STEAP3: variants seen among roughly 807,000 people sequenced by gnomAD.
STEAP3 encodes metalloreductase STEAP3.
Under a neutral mutation model 34.9 loss-of-function variants are expected in STEAP3, and 35 were observed. The observed-to-expected ratio is 1.00, with a 90% confidence interval of 0.76 to 1.33. The LOEUF (loss-of-function observed/expected upper bound fraction) is 1.33. Ranked by LOEUF, STEAP3 falls within the 40% of genes most tolerant of loss-of-function variation. The pLI is 0.00. For missense variants in STEAP3, 652 were observed against 667.6 expected, an observed-to-expected ratio of 0.98 and a Z score of 0.26; for synonymous variants, 281 against 301.6, an observed-to-expected ratio of 0.93 and a Z score of 0.71.
intron 5 of STEAP3, among the ~76,000 whole-genome samples, chr2:119,260,264 C>T (rs1240637828): frequency 6.6e-6 from 1 of 151,748 alleles, no homozygotes; most frequent in Non-Finnish European, 1.5e-5. Flanking sequence ...GGCTGGGCAC[C>T]TGGCTGGGGA....
At chr2:119,225,460 C>T (rs1352965129) in intron 1 of STEAP3, among the ~76,000 whole-genome samples, 1 of 152,242 alleles carries the variant, frequency 6.6e-6, no homozygotes, top group Non-Finnish European at 1.5e-5. Context: ...GGTTGAACAG[C>T]CTGCCCCAGG....
Position 119,244,292 on chromosome 2 carries a change from G to A in STEAP3, c.23-1197G>A, listed in dbSNP as rs1458002331. The A allele has an allele frequency of 4.8e-5, 7 of 146,608 alleles. No individual in the cohort carries two copies. The South Asian group carries it at 6.5e-4, about 14-fold the overall frequency. 9.1% of individuals were successfully genotyped at this position (146,608 alleles called of 1,614,324 possible). A position where few individuals can be genotyped will look rare whatever the true frequency, so the allele number is the denominator to read the frequency against. On this transcript the variant is annotated intron_variant, in intron 2 of 5. Coordinates refer to ENST00000393110, the MANE Select transcript of STEAP3 (RefSeq NM_182915.3). Reference sequence around the variant, plus strand: ...ATAGTCTTGCTCTGTCACCCAAACTGGAGTTCAGTGGTGCGATCACTTCAG... The same window carrying A: ...ATAGTCTTGCTCTGTCACCCAAACTAGAGTTCAGTGGTGCGATCACTTCAG...
chr2:119,232,207 C>T (rs1263971000), intron 2 of STEAP3, among the ~76,000 whole-genome samples: 2 of 152,206 alleles, frequency 1.3e-5, no homozygotes, highest in Admixed American at 1.3e-4. Context: ...GCCACAGACC[C>T]TCCCCACCCC....
intron 1 of STEAP3, among the ~76,000 whole-genome samples, chr2:119,226,257 C>T (rs781775417): frequency 6.6e-6 from 1 of 152,154 alleles, no homozygotes; most frequent in Non-Finnish European, 1.5e-5. Context: ...TTTGGGGAGT[C>T]GGGCTCTCTG....
chr2:119,238,518 A>G (rs1173503289), intron 2 of STEAP3, among the ~76,000 whole-genome samples: 2 of 152,174 alleles, frequency 1.3e-5, no homozygotes, highest in African/African-American at 4.8e-5. Flanking sequence ...AGTTCTTCAG[A>G]TATTTAGAAA....
At chr2:119,243,200 G>A (rs962230640) in intron 2 of STEAP3, among the ~76,000 whole-genome samples, 2 of 152,194 alleles carry the variant, frequency 1.3e-5, no homozygotes, top group Non-Finnish European at 2.9e-5. Flanking sequence ...TGTTAAAGAT[G>A]AGCAAGAGGC....
At chr2:119,253,698 A>G (rs1229494256) in intron 4 of STEAP3, among the ~76,000 whole-genome samples, 2 of 152,140 alleles carry the variant, frequency 1.3e-5, no homozygotes, top group Non-Finnish European at 2.9e-5. Flanking sequence ...GTTCTTCCTC[A>G]TGAGGGCACT....
chr2:119,237,796 G>A (rs967739469), intron 2 of STEAP3, among the ~76,000 whole-genome samples: 1 of 152,138 alleles, frequency 6.6e-6, no homozygotes, highest in Non-Finnish European at 1.5e-5. Context: ...CCATTCAAAT[G>A]GTGAGTTGCA....
At chr2:119,256,352 T>G (rs1242413893) in intron 5 of STEAP3, among the ~76,000 whole-genome samples, 1 of 152,076 alleles carries the variant, frequency 6.6e-6, no homozygotes, top group African/African-American at 2.4e-5. Flanking sequence ...GGGGAAGAAT[T>G]TTATTTATCT....
intron 1 of STEAP3, among the ~76,000 whole-genome samples, chr2:119,226,518 T>G (rs1406319946): frequency 6.6e-6 from 1 of 152,140 alleles, no homozygotes; most frequent in African/African-American, 2.4e-5. Context: ...ACCCCACCCC[T>G]GCCAAACCAT....
In STEAP3 at chr2:119,245,756, T is replaced by C. The variant is rs1274241490; in HGVS notation, c.290T>C (p.Ile97Thr). 9 of 1,614,212 alleles carry C rather than the reference T, an allele frequency of 5.6e-6. No homozygotes were observed. Among genetic ancestry groups the C allele is most frequent in the African/African-American group, 1.3e-5 (1 of 75,062 alleles). Residue 97 changes from isoleucine to threonine, a missense_variant, in exon 3 of 6, where the codon ATC becomes ACC. Transcript: ENST00000393110. Reference protein sequence around the residue: ...QEEAVSSPEVIFVAVFREHYS... With the variant: ...QEEAVSSPEVTFVAVFREHYS... ...GAGGCAGTGAGCTCCCCGGAGGTCA[T>C]CTTTGTGGCTGTGTTCCGGGAGCAC...
At chr2:119,245,314 A>G (rs1677377254) in intron 2 of STEAP3, 175 bp from the exon 3 acceptor site, 2 of 842,978 alleles carry the variant, frequency 2.4e-6, no homozygotes, top group Non-Finnish European at 1.8e-6. Flanking sequence ...TCCCCAGGGA[A>G]GGGGCTGTGT....
At chr2:119,241,355 G>T (rs1186487418) in intron 2 of STEAP3, among the ~76,000 whole-genome samples, 1 of 152,172 alleles carries the variant, frequency 6.6e-6, no homozygotes, top group Non-Finnish European at 1.5e-5. Flanking sequence ...CCAGCCAAGT[G>T]GCTCCGTCCC....
At chr2:119,250,875 C>G (rs1677604975) in intron 4 of STEAP3, among the ~76,000 whole-genome samples, 1 of 152,178 alleles carries the variant, frequency 6.6e-6, no homozygotes, top group South Asian at 2.1e-4. Flanking sequence ...AGGCAACCAT[C>G]CCTCCCGCAG....
intron 5 of STEAP3, among the ~76,000 whole-genome samples, chr2:119,261,092 T>C (rs549855567): frequency 1.3e-5 from 2 of 152,320 alleles, no homozygotes; most frequent in Non-Finnish European, 1.5e-5. Context: ...CCACACCATG[T>C]TCTTTCACTC....
intron 2 of STEAP3, among the ~76,000 whole-genome samples, chr2:119,234,793 G>A (rs1481859505): frequency 1.3e-5 from 2 of 152,194 alleles, no homozygotes; most frequent in Admixed American, 1.3e-4. Flanking sequence ...GTGCAGCATA[G>A]GGACCCTAGG....
intron 2 of STEAP3, among the ~76,000 whole-genome samples, chr2:119,234,445 GCTCCCTGGC>G (rs1189328160): frequency 3.3e-5 from 5 of 152,224 alleles, no homozygotes; most frequent in African/African-American, 1.2e-4. Flanking sequence ...CCACAAGCCA[GCTCCCTGGC>G]CTCCCTGGGC....
intron 5 of STEAP3, chr2:119,257,472 A>G (rs1311613154): frequency 6.5e-7 from 1 of 1,533,364 alleles, no homozygotes; most frequent in South Asian, 1.2e-5. Context: ...GGCAACTTCC[A>G]GTGCAGGAAA....
rs1443506732 is a variant in STEAP3 at position 119,257,424 on chromosome 2, TC to T, written c.1215+2579del. 2.8e-6 allele frequency: 4 copies of T among 1,442,134 alleles called. No individual in the cohort carries two copies. In the African/African-American group the frequency reaches 5.8e-5, roughly 21 times the overall value. 89.3% of individuals were successfully genotyped at this position (1,442,134 alleles called of 1,614,324 possible). A position where few individuals can be genotyped will look rare whatever the true frequency, so the allele number is the denominator to read the frequency against. On this transcript the variant is annotated intron_variant, in intron 5 of 5. Transcript: ENST00000393110. ...GGCTCTGGCAATCTATTTTTGCAGC[TC>T]CCTAAGTGACTGATAGGTGCGCATG...
Sources: allele counts gnomAD v4.1 joint callset (sites outside exome capture counted in the v4.1 genomes callset), GRCh38; gene constraint gnomAD v4.1.1; transcripts MANE v1.5; gene names NCBI Gene and HGNC (gene_info 2026-07-23, HGNC 2026-07-21).